Variants in SLC9C1 observed in about 807,000 individuals in gnomAD.
The protein encoded by SLC9C1 is solute carrier family 9 member C1, also known as sodium/hydrogen exchanger 10.
In SLC9C1, 97 loss-of-function variants were observed where a neutral mutation model predicts 140.9. The ratio of observed to expected loss-of-function variants is 0.69; its 90% CI spans 0.58 to 0.82. The LOEUF is 0.82. Ranked by LOEUF, SLC9C1 falls within the 40% of genes least tolerant of loss-of-function variation. SLC9C1 has a pLI of 0.00. For missense variants in SLC9C1, 1,340 were observed against 1,389.3 expected (o/e 0.96, Z 0.56); for synonymous variants, 440 against 442.6 (o/e 0.99, Z 0.07).
At chr3:112,237,750 A>C (rs1372373879) in intron 12 of SLC9C1, among the ~76,000 whole-genome samples, 1 of 152,188 alleles carries the variant, frequency 6.6e-6, no homozygotes, top group African/African-American at 2.4e-5. Flanking sequence ...TTCTGGGTTG[A>C]AAATTCTTTT....
At chr3:112,195,172 T>TA (rs2077743663) in intron 20 of SLC9C1, among the ~76,000 whole-genome samples, 1 of 152,184 alleles carries the variant, frequency 6.6e-6, no homozygotes, top group South Asian at 2.1e-4. Context: ...GCACGTGCCT[T>TA]AAGCATCATT....
At chr3:112,228,597 C>T (rs932926340) in intron 13 of SLC9C1, among the ~76,000 whole-genome samples, 3 of 152,022 alleles carry the variant, frequency 2.0e-5, no homozygotes, top group African/African-American at 7.2e-5. Context: ...AATGAGGCAA[C>T]CTGCAGAACA....
rs542810358 is a variant in SLC9C1, at chr3:112,288,468, C to CAT, written c.-87-1592_-87-1591dup. ...ACATATTACCACCAAGGTAAAAGTG[C>CAT]ATACTCTGGCTGGCATACTGGCCCA... On this transcript the variant is annotated intron_variant, in intron 1 of 28. Coordinates refer to ENST00000305815, the MANE Select transcript of SLC9C1 (RefSeq NM_183061.3). Among the ~76,000 whole-genome samples, 11 of 152,284 alleles carry CAT rather than the reference C, an allele frequency of 7.2e-5. No individual in the cohort carries two copies. In the South Asian group the frequency reaches 2.3e-3, roughly 32 times the overall value.
intron 10 of SLC9C1, among the ~76,000 whole-genome samples, chr3:112,257,175 C>T (rs1042561756): frequency 6.6e-6 from 1 of 151,964 alleles, no homozygotes; most frequent in African/African-American, 2.4e-5. Flanking sequence ...CTAACAATGA[C>T]ATTCACAGAA....
rs2077880880 is a variant in SLC9C1, at chr3:112,200,568, T to C, written c.2374+143A>G. ...TTCCATCTCAACTAGAAAATAAGAT[T>C]GCATTGATTGTTGAGGTTACTCACT... On this transcript the variant is annotated intron_variant, in intron 19 of 28. Coordinates refer to ENST00000305815, the MANE Select transcript of SLC9C1 (RefSeq NM_183061.3). The C allele has an allele frequency of 1.8e-5, 12 of 670,184 alleles. No homozygotes were observed. In the South Asian group the frequency reaches 2.2e-4, roughly 12 times the overall value. The allele number at this position is 670,184 out of a possible 1,614,324, so 41.5% of individuals were successfully genotyped here.
intron 1 of SLC9C1, among the ~76,000 whole-genome samples, chr3:112,291,584 T>A (rs1707274722): frequency 1.3e-5 from 2 of 152,046 alleles, no homozygotes; most frequent in Admixed American, 1.3e-4. Context: ...TTCACACCAG[T>A]CAAAATGGCT....
At chr3:112,260,187 A>G (rs1279534105) in intron 10 of SLC9C1, among the ~76,000 whole-genome samples, 1 of 152,142 alleles carries the variant, frequency 6.6e-6, no homozygotes, top group African/African-American at 2.4e-5. Flanking sequence ...CTTGTAGAAC[A>G]TATCAACTTA....
intron 15 of SLC9C1, among the ~76,000 whole-genome samples, chr3:112,208,621 A>G (rs1419827971): frequency 1.3e-5 from 2 of 152,114 alleles, no homozygotes; most frequent in South Asian, 4.1e-4. Context: ...AATCTCATTC[A>G]CTTTTTCTTT....
At chr3:112,185,199 T>G (rs929198938) in intron 20 of SLC9C1, among the ~76,000 whole-genome samples, 5 of 151,868 alleles carry the variant, frequency 3.3e-5, no homozygotes, top group Non-Finnish European at 7.4e-5. Flanking sequence ...TATAAGGAGA[T>G]AGAGGCTGTC....
intron 10 of SLC9C1, among the ~76,000 whole-genome samples, chr3:112,259,556 T>C (rs1374668355): frequency 6.6e-6 from 1 of 151,982 alleles, no homozygotes; most frequent in African/African-American, 2.4e-5. Context: ...ATCACACTTA[T>C]AAGTGGGAGC....
chr3:112,185,880 G>C, intron 20 of SLC9C1: 1 of 1,587,738 alleles, frequency 6.3e-7, no homozygotes, highest in South Asian at 1.1e-5. Context: ...CTCGCCAGGC[G>C]GCAGGGGGCT....
chr3:112,148,022 G>A (rs992045171), intron 28 of SLC9C1, among the ~76,000 whole-genome samples: 2 of 152,092 alleles, frequency 1.3e-5, no homozygotes, highest in South Asian at 2.1e-4. Context: ...TGGTCTTCAA[G>A]CTCTGAAATT....
At chr3:112,189,211 T>C (rs1403042089) in intron 20 of SLC9C1, among the ~76,000 whole-genome samples, 8 of 152,222 alleles carry the variant, frequency 5.3e-5, no homozygotes, top group African/African-American at 1.9e-4. Flanking sequence ...TTTCTTTTGC[T>C]GTGCAGAAGC....
At chr3:112,159,881 A>C (rs1035438199) in intron 26 of SLC9C1, among the ~76,000 whole-genome samples, 2 of 151,910 alleles carry the variant, frequency 1.3e-5, no homozygotes, top group Non-Finnish European at 2.9e-5. Flanking sequence ...AAGTTTAGCT[A>C]CTCTTCCTCT....
intron 10 of SLC9C1, among the ~76,000 whole-genome samples, chr3:112,260,480 C>T (rs1165237216): frequency 6.6e-6 from 1 of 151,992 alleles, no homozygotes; most frequent in African/African-American, 2.4e-5. Flanking sequence ...CCTGCTTCTT[C>T]ACATGCATAG....
intron 20 of SLC9C1, among the ~76,000 whole-genome samples, chr3:112,191,788 A>G (rs1399744787): frequency 3.3e-5 from 5 of 152,008 alleles, no homozygotes; most frequent in Non-Finnish European, 7.4e-5. Context: ...TTTTCTTTCT[A>G]TATGGTGTGA....
At chr3:112,152,905 G>T (rs1417895397) in intron 27 of SLC9C1, among the ~76,000 whole-genome samples, 1 of 152,176 alleles carries the variant, frequency 6.6e-6, no homozygotes, top group East Asian at 1.9e-4. Context: ...CAAGGCAGAA[G>T]AATTTTTCTT....
At chr3:112,191,109 T>G (rs1418134611) in intron 20 of SLC9C1, among the ~76,000 whole-genome samples, 2 of 152,090 alleles carry the variant, frequency 1.3e-5, no homozygotes, top group Non-Finnish European at 2.9e-5. Flanking sequence ...TTCTAACAAG[T>G]TTTTGATGGT....
At chr3:112,277,027 G>T (rs1399825901) in intron 5 of SLC9C1, among the ~76,000 whole-genome samples, 1 of 151,884 alleles carries the variant, frequency 6.6e-6, no homozygotes. Flanking sequence ...TGTGTGCATG[G>T]GTTGCCATAT....
Sources: allele counts gnomAD v4.1 joint callset (sites outside exome capture counted in the v4.1 genomes callset), GRCh38; gene constraint gnomAD v4.1.1; transcripts MANE v1.5; gene names NCBI Gene and HGNC (gene_info 2026-07-23, HGNC 2026-07-21).